TENM4: variants seen among roughly 807,000 people sequenced by gnomAD.
The protein encoded by TENM4 is teneurin transmembrane protein 4, also known as teneurin-4.
In TENM4, 82 loss-of-function variants were observed where a neutral mutation model predicts 243.3. That is an observed-to-expected ratio of 0.34 (90% confidence interval 0.28 to 0.40). The LOEUF (loss-of-function observed/expected upper bound fraction) is 0.40. Among genes scored for constraint, TENM4 ranks in the 10% least tolerant of loss-of-function variants. TENM4 has a pLI of 1.00. For missense variants in TENM4, 3,138 were observed against 3,673.3 expected (o/e 0.85, Z 3.77); for synonymous variants, 1,412 against 1,456.3 (o/e 0.97, Z 0.69).
chr11:78,774,741 G>A (rs991341178), intron 17 of TENM4, among the ~76,000 whole-genome samples: 3 of 152,168 alleles, frequency 2.0e-5, no homozygotes, highest in Non-Finnish European at 2.9e-5. Context: ...TGGATGAGAT[G>A]ATCCATTAGG....
chr11:78,688,547 T>A (rs910029937), intron 28 of TENM4, among the ~76,000 whole-genome samples: 2 of 151,916 alleles, frequency 1.3e-5, no homozygotes, highest in Admixed American at 6.5e-5. Context: ...GGGGGAGAGA[T>A]GATGGTGGCC....
chr11:79,283,321 A>G (rs1161993837), intron 2 of TENM4, among the ~76,000 whole-genome samples: 1 of 152,076 alleles, frequency 6.6e-6, no homozygotes, highest in African/African-American at 2.4e-5. Flanking sequence ...CTTCAATAAG[A>G]TAACATTAAA....
chr11:79,085,055 C>T (rs1436450477), intron 4 of TENM4, among the ~76,000 whole-genome samples: 1 of 152,042 alleles, frequency 6.6e-6, no homozygotes, highest in Non-Finnish European at 1.5e-5. Context: ...CTATAATGTT[C>T]CCAAAAATTT....
intron 6 of TENM4, among the ~76,000 whole-genome samples, chr11:79,015,477 AGTGTGT>A (rs113872101): frequency 1.0e-3 from 150 of 147,252 alleles, no homozygotes; most frequent in East Asian, 5.2e-3. Context: ...AAAGTCATTT[AGTGTGT>A]GTGTGTGTGT....
chr11:78,675,789 T>C (rs1043948631), intron 30 of TENM4, among the ~76,000 whole-genome samples: 1 of 152,206 alleles, frequency 6.6e-6, no homozygotes, highest in African/African-American at 2.4e-5. Flanking sequence ...AGCCAGACTC[T>C]AAGATGCTTA....
intron 23 of TENM4, among the ~76,000 whole-genome samples, chr11:78,725,496 C>T (rs997418693): frequency 2.6e-4 from 39 of 152,188 alleles, no homozygotes; most frequent in African/African-American, 8.4e-4. Flanking sequence ...GTTGAAAGTC[C>T]TAATCTTCTT....
At chr11:79,145,711 T>G (rs1191553450) in intron 4 of TENM4, among the ~76,000 whole-genome samples, 1 of 152,114 alleles carries the variant, frequency 6.6e-6, no homozygotes, top group Non-Finnish European at 1.5e-5. Flanking sequence ...TGCCAAACAG[T>G]TTTCCAGTGT....
At chr11:79,326,752 T>G (rs1034590697) in intron 1 of TENM4, among the ~76,000 whole-genome samples, 11 of 152,174 alleles carry the variant, frequency 7.2e-5, no homozygotes, top group Admixed American at 6.5e-4. Context: ...CTTTGTCCCG[T>G]TCCCTAGAGC....
intron 9 of TENM4, among the ~76,000 whole-genome samples, chr11:78,880,488 A>AAAAAAAAAAGAG (rs1368857006): frequency 1.8e-5 from 2 of 112,998 alleles, no homozygotes; most frequent in African/African-American, 6.9e-5. Flanking sequence ...AAAAAAAAAA[A>AAAAAAAAAAGAG]AGAAAGAAAA....
At chr11:79,318,124 C>G (rs1238298509) in intron 1 of TENM4, among the ~76,000 whole-genome samples, 2 of 152,136 alleles carry the variant, frequency 1.3e-5, no homozygotes, top group Non-Finnish European at 2.9e-5. Flanking sequence ...AAATAGTGCG[C>G]TCTGAGAAAT....
chr11:78,891,899 C>G (rs1855676741), intron 7 of TENM4, among the ~76,000 whole-genome samples: 1 of 152,162 alleles, frequency 6.6e-6, no homozygotes. Context: ...CCACTGTCTT[C>G]TAAAGCCATG....
chr11:78,848,699 C>G (rs538195131), intron 12 of TENM4, among the ~76,000 whole-genome samples: 1 of 152,046 alleles, frequency 6.6e-6, no homozygotes, highest in Non-Finnish European at 1.5e-5. Context: ...AGCTGTTTAC[C>G]GTATAAATCT....
chr11:79,184,364 A>T (rs965571186), intron 3 of TENM4, among the ~76,000 whole-genome samples: 1 of 152,024 alleles, frequency 6.6e-6, no homozygotes, highest in African/African-American at 2.4e-5. Context: ...TGCAACCTAG[A>T]TCCCTCCATG....
intron 28 of TENM4, among the ~76,000 whole-genome samples, chr11:78,695,209 C>T (rs1858928641): frequency 6.6e-6 from 1 of 151,924 alleles, no homozygotes; most frequent in South Asian, 2.1e-4. Context: ...CCACTACATC[C>T]AGCTAATTAA....
chr11:78,754,977 A>G (rs1039536404), intron 19 of TENM4, among the ~76,000 whole-genome samples: 2 of 152,162 alleles, frequency 1.3e-5, no homozygotes, highest in African/African-American at 2.4e-5. Context: ...TGGAAAGTGC[A>G]GGGGCTCCTT....
intron 4 of TENM4, among the ~76,000 whole-genome samples, chr11:79,095,781 T>G (rs1359725261): frequency 6.6e-6 from 1 of 152,264 alleles, no homozygotes; most frequent in African/African-American, 2.4e-5. Flanking sequence ...CATCAGTATT[T>G]CTTTCAGTAA....
intron 1 of TENM4, among the ~76,000 whole-genome samples, chr11:79,375,096 A>G (rs556538155): frequency 1.6e-4 from 24 of 152,324 alleles, no homozygotes; most frequent in African/African-American, 5.3e-4. Flanking sequence ...TCTTTTGTCT[A>G]ACACACAGAA....
intron 2 of TENM4, among the ~76,000 whole-genome samples, chr11:79,241,171 A>G (rs1057134464): frequency 6.6e-6 from 1 of 152,020 alleles, no homozygotes; most frequent in African/African-American, 2.4e-5. Context: ...TTTGGATATG[A>G]AAGGGAAGGC....
intron 6 of TENM4, among the ~76,000 whole-genome samples, chr11:79,026,319 A>C (rs1419930906): frequency 1.3e-5 from 2 of 152,220 alleles, no homozygotes; most frequent in African/African-American, 4.8e-5. Context: ...CTCAGGGAGA[A>C]ACAAAAGCAA....
Sources: gnomAD v4.1 joint callset for allele counts (sites outside exome capture counted in the v4.1 genomes callset) on GRCh38, gnomAD v4.1.1 for gene constraint, MANE v1.5 for transcripts, NCBI Gene and HGNC (gene_info 2026-07-23, HGNC 2026-07-21) for gene names.